Variants in ZFP91 observed in about 807,000 individuals in gnomAD.
ZFP91 encodes E3 ubiquitin-protein ligase ZFP91.
Under a neutral mutation model 63.5 loss-of-function variants are expected in ZFP91, and 7 were observed. The observed-to-expected ratio is 0.11, with a 90% confidence interval of 0.06 to 0.21. The LOEUF is 0.21. Ranked by LOEUF, ZFP91 falls within the 10% of genes least tolerant of loss-of-function variation. The pLI is 1.00. For synonymous variants in ZFP91, 330 were observed against 272.1 expected (o/e 1.21, Z -2.10); for missense variants, 628 against 736.6 (o/e 0.85, Z 1.71).
At chr11:58,602,095 G>T (rs1855499931) in intron 2 of ZFP91, among the ~76,000 whole-genome samples, 1 of 152,056 alleles carries the variant, frequency 6.6e-6, no homozygotes, top group Non-Finnish European at 1.5e-5. Context: ...GCTAATTTTT[G>T]TATTCTTAGT....
At chr11:58,583,937 T>C (rs978615037) in intron 1 of ZFP91, among the ~76,000 whole-genome samples, 1 of 152,038 alleles carries the variant, frequency 6.6e-6, no homozygotes, top group Non-Finnish European at 1.5e-5. Flanking sequence ...AAAAAAACTT[T>C]GTACTGTTCA....
chr11:58,595,792 G>T (rs1446547976), intron 2 of ZFP91, among the ~76,000 whole-genome samples: 1 of 152,094 alleles, frequency 6.6e-6, no homozygotes, highest in East Asian at 1.9e-4. Context: ...GGCGAGGCTG[G>T]TCTGGAACTC....
chr11:58,597,259 C>T (rs1056115199), intron 2 of ZFP91, among the ~76,000 whole-genome samples: 1 of 152,134 alleles, frequency 6.6e-6, no homozygotes, highest in African/African-American at 2.4e-5. Context: ...TGATCATAAA[C>T]CTAACTGCTT....
At chr11:58,581,717 CTGCTGTCA>C (rs1855119749) in intron 1 of ZFP91, among the ~76,000 whole-genome samples, 1 of 152,158 alleles carries the variant, frequency 6.6e-6, no homozygotes, top group Admixed American at 6.5e-5. Flanking sequence ...GTAATTTTAC[CTGCTGTCA>C]TGATTTATTT....
chr11:58,597,489 A>G (rs778232131), intron 2 of ZFP91, among the ~76,000 whole-genome samples: 1 of 152,118 alleles, frequency 6.6e-6, no homozygotes, highest in Non-Finnish European at 1.5e-5. Context: ...TTCTCCTATT[A>G]TCTTGACATT....
chr11:58,609,968 G>A lies in ZFP91; in HGVS notation c.509G>A (p.Ser170Asn). 1.2e-6 allele frequency: 2 copies of A among 1,614,198 alleles called. No homozygotes were observed. Among genetic ancestry groups the A allele is most frequent in the South Asian group, 1.1e-5 (1 of 91,086 alleles). Residue 170 changes from serine (S) to asparagine (N), a missense_variant, in exon 3 of 11, where the codon AGC becomes AAC. Physicochemically the swap from Ser to Asn is conservative, Grantham distance 46. Coordinates refer to ENST00000316059, the MANE Select transcript of ZFP91 (RefSeq NM_053023.5). The part of the protein sequence containing the change: ...SRHRDTENTR[S>N]SRSKTGSLQL... Reference sequence around the variant, plus strand: ...CATCGTGATACAGAGAACACCCGAAGCTCTCGGTCCAAGACCGGTTCATTG... The same window carrying A: ...CATCGTGATACAGAGAACACCCGAAACTCTCGGTCCAAGACCGGTTCATTG...
In ZFP91 at chr11:58,611,638, G is replaced by T; in HGVS notation, c.757G>T (p.Val253Leu). The T allele has an allele frequency of 6.2e-7, 1 of 1,612,840 alleles. No homozygotes were observed. The highest frequency in any genetic ancestry group is 1.1e-5 in the South Asian group (1 of 90,998). Residue 253 changes from valine to leucine, a missense_variant, in exon 6 of 11, where the codon GTA becomes TTA. By Grantham distance (32) the Val-to-Leu change is conservative. Transcript: ENST00000316059. ...TPKPRRKSGK[V>L]KEEKEKKEIK... ...AAAGCCACGGAGAAAATCAGGGAAG[G>T]TAAAAGAAGAGAAGGAGAAGAAGGA... is the stretch of plus-strand genomic sequence containing the variant.
chr11:58,612,218 G>A, intron 6 of ZFP91, 60 bp from the exon 7 acceptor site: 3 of 1,551,362 alleles, frequency 1.9e-6, no homozygotes, highest in South Asian at 1.1e-5. Flanking sequence ...TCTTCAGCCA[G>A]CCTTCACTGT....
In ZFP91 at chr11:58,609,973, C is replaced by A. The variant is rs748808135; in HGVS notation, c.514C>A (p.Arg172=). The change falls in exon 3 of 11, where the codon CGG becomes AGG. Residue 172 remains arginine, a synonymous_variant. Transcript: ENST00000316059. ...HRDTENTRSS[R]SKTGSLQLIC... is the part of the protein sequence containing the mutation. ...TGATACAGAGAACACCCGAAGCTCT[C>A]GGTCCAAGACCGGTTCATTGCAGCT... is the stretch of plus-strand genomic sequence containing the variant. The A allele has an allele frequency of 9.9e-5, 160 of 1,614,050 alleles. 1 individual carries two copies. The Admixed American group carries it at 1.1e-3, about 11-fold the overall frequency.
chr11:58,592,079 C>CTT (rs34964779), intron 2 of ZFP91, among the ~76,000 whole-genome samples: 219 of 108,366 alleles, frequency 2.0e-3, no homozygotes, highest in African/African-American at 3.7e-3. Flanking sequence ...CTGAGCACAT[C>CTT]TTTTTTTTTT....
chr11:58,598,748 A>ATGTGTG (rs1352669713), intron 2 of ZFP91, among the ~76,000 whole-genome samples: 4 of 123,080 alleles, frequency 3.2e-5, no homozygotes, highest in African/African-American at 1.4e-4. Context: ...ACTTTTGTGC[A>ATGTGTG]CGTGTGTGTG....
rs1271675063 is a variant in ZFP91, at chr11:58,579,115, T to TG, written c.-159dup. The TG allele has an allele frequency of 1.0e-3, 266 of 254,124 alleles. No homozygotes were observed. Among genetic ancestry groups the TG allele is most frequent in the African/African-American group, 5.1e-3 (49 of 9,628 alleles). 15.7% of individuals were successfully genotyped at this position (254,124 alleles called of 1,614,324 possible). A position where few individuals can be genotyped will look rare whatever the true frequency, so the allele number is the denominator to read the frequency against. ...GTAGCGGACCTTGAGTGGCAGGGGG[T>TG]GGGGGGGGCGCCCTCGGAGCCGGGC... On this transcript the variant is annotated 5_prime_UTR_variant, in exon 1 of 11. Coordinates refer to ENST00000316059, the MANE Select transcript of ZFP91 (RefSeq NM_053023.5).
intron 1 of ZFP91, 76 bp from the exon 2 acceptor site, chr11:58,584,780 G>T: frequency 7.6e-7 from 1 of 1,316,726 alleles, no homozygotes; most frequent in South Asian, 1.5e-5. Flanking sequence ...CTCTGGAGGT[G>T]AACCTGAAAG....
chr11:58,594,638 G>C (rs530108147), intron 2 of ZFP91, among the ~76,000 whole-genome samples: 6 of 152,146 alleles, frequency 3.9e-5, no homozygotes, highest in South Asian at 4.1e-4. Context: ...TGCACCAGTG[G>C]CTGATGTCTG....
intron 2 of ZFP91, among the ~76,000 whole-genome samples, chr11:58,599,492 C>T (rs1336610244): frequency 1.3e-5 from 2 of 152,062 alleles, no homozygotes; most frequent in African/African-American, 2.4e-5. Flanking sequence ...GCATTCTCAC[C>T]AACACTTCTT....
rs1412015473 is a variant in ZFP91, at chr11:58,617,656, G to A, written c.1663G>A (p.Gly555Ser). 4.5e-6 allele frequency: 7 copies of A among 1,550,564 alleles called. No homozygotes were observed. The highest frequency in any genetic ancestry group is 2.7e-5 in the African/African-American group (2 of 72,908). Residue 555 changes from glycine to serine, a missense_variant, in exon 11 of 11, where the codon GGT (glycine) becomes AGT (serine). Coordinates refer to ENST00000316059, the MANE Select transcript of ZFP91 (RefSeq NM_053023.5). The surrounding 1 kb of genome is among the most constrained non-coding windows in gnomAD (Gnocchi z 4.2). ...EGLVMNSDILGATTEVLIEDS... is the reference protein window; with the variant it reads ...EGLVMNSDILSATTEVLIEDS... ...GCTGGTTATGAACTCAGATATACTC[G>A]GTGCTACCACAGAGGTTCTGATTGA...
chr11:58,582,031 T>C (rs1456943322), intron 1 of ZFP91, among the ~76,000 whole-genome samples: 12 of 152,354 alleles, frequency 7.9e-5, no homozygotes, highest in African/African-American at 2.4e-4. Context: ...GTTACACATT[T>C]TTACCTTATT....
At position 58,579,309 on chromosome 11, in the gene ZFP91, C is replaced by G. The variant is rs1192215643; in HGVS notation, c.28C>G (p.Pro10Ala). 3 of 1,487,416 alleles carry G rather than the reference C, an allele frequency of 2.0e-6. No individual in the cohort carries two copies. The Admixed American group carries it at 7.1e-5, about 35-fold the overall frequency. The allele number at this position is 1,487,416 out of a possible 1,614,324, so 92.1% of individuals were successfully genotyped here. The change falls in exon 1 of 11, where the codon CCC becomes GCC. Residue 10 changes from proline to alanine, a missense_variant. By Grantham distance (27) the Pro-to-Ala change is conservative (BLOSUM62 -1). Transcript: ENST00000316059. The part of the protein sequence containing the change: MPGETEEPR[P>A]PEQQDQEGGE... ...GCCGGGGGAGACGGAAGAGCCGAGA[C>G]CCCCGGAGCAGCAGGACCAGGAAGG...
intron 2 of ZFP91, among the ~76,000 whole-genome samples, chr11:58,599,945 T>C (rs918127903): frequency 2.0e-4 from 31 of 152,228 alleles, no homozygotes; most frequent in African/African-American, 7.5e-4. Flanking sequence ...AAGAGACTGT[T>C]TTCACCTACT....
Sources: allele counts gnomAD v4.1 joint callset (sites outside exome capture counted in the v4.1 genomes callset), GRCh38; gene constraint gnomAD v4.1.1; non-coding constraint Gnocchi (gnomAD v3.1); transcripts MANE v1.5; gene names NCBI Gene and HGNC (gene_info 2026-07-23, HGNC 2026-07-21).